Variants in LAMA3 observed in about 807,000 individuals in gnomAD.
LAMA3 encodes laminin subunit alpha-3.
Under a neutral mutation model 402.0 loss-of-function variants are expected in LAMA3, and 281 were observed. The observed-to-expected ratio is 0.70, with a 90% confidence interval of 0.63 to 0.77. LAMA3 has a LOEUF of 0.77. LAMA3 is among the 30% of genes least tolerant of loss of function. The pLI, the probability that LAMA3 is intolerant of heterozygous loss-of-function variation, is 0.00. For synonymous variants in LAMA3, 1,431 were observed against 1,558.4 expected, an observed-to-expected ratio of 0.92 and a Z score of 1.93; for missense variants, 3,840 against 4,215.5, an observed-to-expected ratio of 0.91 and a Z score of 2.47.
chr18:23,784,110 G>A lies in LAMA3; in HGVS notation c.1556G>A (p.Arg519Gln), dbSNP rs777496182. ...CLCRPGVEGP[R>Q]CDTCRSGFYS... ...TGCCGCCCTGGGGTTGAGGGCCCTCGATGTGATACCTGCCGCTCTGGTTTC... is the reference window on the plus strand; with the variant it reads ...TGCCGCCCTGGGGTTGAGGGCCCTCAATGTGATACCTGCCGCTCTGGTTTC... Residue 519 changes from arginine to glutamine, a missense_variant, in exon 12 of 75, where the codon CGA (arginine) becomes CAA (glutamine). Physicochemically the swap from Arg to Gln is conservative, Grantham distance 43. This residue lies in a region of LAMA3 where 2,109 missense variants were observed against 2,376.0 expected (regional missense o/e 0.89). Transcript: ENST00000313654. 7.4e-6 allele frequency: 12 copies of A among 1,614,012 alleles called. No homozygotes were observed. The highest frequency in any genetic ancestry group is 2.2e-5 in the East Asian group (1 of 44,892).
At position 23,751,023 on chromosome 18, in the gene LAMA3, A is replaced by G. The variant is rs770625695; in HGVS notation, c.790A>G (p.Arg264Gly). The change falls in exon 5 of 75, where the codon AGA becomes GGA. Residue 264 changes from arginine to glycine, a missense_variant. Arg to Gly is a moderately radical substitution (Grantham distance 125). Coordinates refer to ENST00000313654, the MANE Select transcript of LAMA3 (RefSeq NM_198129.4). ...KATNIRLRFL[R>G]TNTLLGHLIS... ...AACAAACATCCGCTTGCGTTTTCTT[A>G]GAACCAATACGCTTCTTGGACACCT... The G allele has an allele frequency of 1.2e-6, 2 of 1,614,206 alleles. No homozygotes were observed. Among genetic ancestry groups the G allele is most frequent in the Non-Finnish European group, 1.7e-6 (2 of 1,180,020 alleles).
intron 12 of LAMA3, among the ~76,000 whole-genome samples, chr18:23,807,476 G>A (rs1326259538): frequency 6.6e-6 from 1 of 151,130 alleles, no homozygotes. Flanking sequence ...GTGTGTGTGT[G>A]TATGTGTGTG....
intron 1 of LAMA3, chr18:23,710,358 G>A: frequency 2.5e-6 from 1 of 392,324 alleles, no homozygotes. Flanking sequence ...AGCCCCACGA[G>A]GTTATCTTCT....
intron 2 of LAMA3, among the ~76,000 whole-genome samples, chr18:23,718,561 G>A (rs1355963876): frequency 1.3e-5 from 2 of 152,198 alleles, no homozygotes; most frequent in African/African-American, 2.4e-5. Flanking sequence ...ACTGAGTGTT[G>A]GCTTCAGAGG....
At chr18:23,838,699 T>C in intron 25 of LAMA3, 82 bp from the exon 26 acceptor site, 1 of 778,708 alleles carries the variant, frequency 1.3e-6, no homozygotes, top group Non-Finnish European at 2.3e-6. Flanking sequence ...CTTAATAGCT[T>C]TTTTAAAAGG....
chr18:23,752,442 A>G (rs2061770168), intron 5 of LAMA3, among the ~76,000 whole-genome samples: 1 of 152,204 alleles, frequency 6.6e-6, no homozygotes, highest in Admixed American at 6.5e-5. Context: ...TATACCACAC[A>G]CATAATACAT....
chr18:23,712,726 C>CAT (rs2061019721), intron 1 of LAMA3, among the ~76,000 whole-genome samples: 1 of 149,620 alleles, frequency 6.7e-6, no homozygotes, highest in Non-Finnish European at 1.5e-5. Context: ...CCTTTGGTTA[C>CAT]ATACCAGGAT....
At chr18:23,819,474 G>A (rs1340970948) in intron 18 of LAMA3, among the ~76,000 whole-genome samples, 1 of 152,128 alleles carries the variant, frequency 6.6e-6, no homozygotes, top group Non-Finnish European at 1.5e-5. Context: ...TTTATGTAAT[G>A]AGTGAATGAA....
intron 12 of LAMA3, among the ~76,000 whole-genome samples, chr18:23,787,639 A>G (rs1219024273): frequency 6.6e-6 from 1 of 152,228 alleles, no homozygotes; most frequent in Non-Finnish European, 1.5e-5. Flanking sequence ...TCTCATTAGT[A>G]ACAATAGAGG....
At chr18:23,693,058 A>T (rs7233891) in intron 1 of LAMA3, among the ~76,000 whole-genome samples, 16,325 of 152,228 alleles carry the variant, frequency 0.11, 1,651 homozygotes, top group African/African-American at 0.23. Flanking sequence ...AAAACCAAAA[A>T]TATGGAGAGG....
chr18:23,797,603 T>G (rs753645558), intron 12 of LAMA3, among the ~76,000 whole-genome samples: 11 of 151,966 alleles, frequency 7.2e-5, no homozygotes, highest in African/African-American at 1.2e-4. Context: ...TAATCCCAGC[T>G]ACTCGGGAGG....
At chr18:23,788,374 T>C (rs1212299591) in intron 12 of LAMA3, among the ~76,000 whole-genome samples, 8 of 151,928 alleles carry the variant, frequency 5.3e-5, no homozygotes, top group South Asian at 2.1e-4. Context: ...GATTTCTTTT[T>C]GTAAGCCCTA....
chr18:23,813,197 A>C, intron 14 of LAMA3, 94 bp downstream of exon 14: 3 of 861,626 alleles, frequency 3.5e-6, no homozygotes, highest in Non-Finnish European at 2.0e-6. Context: ...AGAAATTAAA[A>C]TAAGACCCAA....
In LAMA3 at chr18:23,950,109, A is replaced by G. The variant is rs377605351; in HGVS notation, c.9592A>G (p.Ile3198Val). ...AAGTCTCACTGGGATCCTAATACACATCGGAAGTCAGCCCGGGAAGCACTT... is the reference window on the plus strand; with the variant it reads ...AAGTCTCACTGGGATCCTAATACACGTCGGAAGTCAGCCCGGGAAGCACTT... ...PRSLTGILIH[I>V]GSQPGKHLCV... is the part of the protein sequence containing the mutation. Residue 3198 changes from isoleucine (I) to valine (V), a missense_variant, in exon 72 of 75, where the codon ATC (isoleucine) becomes GTC (valine). This residue lies in a region of LAMA3 where 840 missense variants were observed against 981.9 expected (regional missense o/e 0.86). Coordinates refer to ENST00000313654, the MANE Select transcript of LAMA3 (RefSeq NM_198129.4). The G allele has an allele frequency of 1.2e-4, 186 of 1,613,984 alleles. No individual in the cohort carries two copies. The highest frequency in any genetic ancestry group is 1.4e-4 in the Non-Finnish European group (171 of 1,180,044).
At chr18:23,886,997 G>T (rs1481987445) in intron 41 of LAMA3, among the ~76,000 whole-genome samples, 4 of 152,240 alleles carry the variant, frequency 2.6e-5, no homozygotes, top group African/African-American at 9.6e-5. Context: ...TATGGCAAAA[G>T]ATGGTAATGG....
rs543636391 is a variant in LAMA3 at position 23,895,105 on chromosome 18, C to T, written c.5613+47C>T. On this transcript the variant is annotated intron_variant, in intron 44 of 74. Coordinates refer to ENST00000313654, the MANE Select transcript of LAMA3 (RefSeq NM_198129.4). ...GTAGACACGTGGGGAGGAGATGCTG[C>T]GGGAGTGGATTCTCCATAAGCAGGA... 1.6e-5 allele frequency: 25 copies of T among 1,546,690 alleles called. No individual in the cohort carries two copies. The African/African-American group carries it at 2.3e-4, about 14-fold the overall frequency.
At chr18:23,716,920 G>A (rs1319130575) in intron 2 of LAMA3, among the ~76,000 whole-genome samples, 1 of 152,106 alleles carries the variant, frequency 6.6e-6, no homozygotes, top group African/African-American at 2.4e-5. Flanking sequence ...AGTTCTAAAT[G>A]AGTTAATTGC....
At chr18:23,748,263 T>C (rs1183556142) in intron 3 of LAMA3, among the ~76,000 whole-genome samples, 2 of 151,502 alleles carry the variant, frequency 1.3e-5, no homozygotes, top group Admixed American at 1.3e-4. Flanking sequence ...ACCCTGTCTC[T>C]ACTAAAAATA....
chr18:23,730,368 C>CTTTTTT (rs11362144), intron 2 of LAMA3, among the ~76,000 whole-genome samples: 1 of 118,652 alleles, frequency 8.4e-6, no homozygotes. Flanking sequence ...CTTTTTCTTT[C>CTTTTTT]TTTTTTTTTT....
Sources: allele counts gnomAD v4.1 joint callset (sites outside exome capture counted in the v4.1 genomes callset), GRCh38; gene constraint gnomAD v4.1.1; regional missense constraint gnomAD v4.1.1; transcripts MANE v1.5; gene names NCBI Gene and HGNC (gene_info 2026-07-23, HGNC 2026-07-21).